The following PXN variants were observed in gnomAD, a reference collection of about 807,000 sequenced individuals.
PXN encodes testicular tissue protein Li 134.
PXN carries 61 observed loss-of-function variants against 103.6 expected under a neutral mutation model. The ratio of observed to expected loss-of-function variants is 0.59; its 90% CI spans 0.48 to 0.73. PXN has a LOEUF of 0.73. Among genes scored for constraint, PXN ranks in the 30% least tolerant of loss-of-function variants. The probability of loss-of-function intolerance (pLI) is 0.00; values close to 1 mark genes in which losing one functional copy is unlikely to be tolerated. For missense variants in PXN, 1,274 were observed against 1,460.3 expected, an observed-to-expected ratio of 0.87 and a Z score of 2.08; for synonymous variants, 562 against 607.8, an observed-to-expected ratio of 0.92 and a Z score of 1.11.
rs1463641854 is a variant in PXN, at chr12:120,216,707, C to G, written c.1993-126G>C. 1.9e-6 allele frequency: 3 copies of G among 1,594,066 alleles called. No homozygotes were observed. Among genetic ancestry groups the G allele is most frequent in the Non-Finnish European group, 2.5e-6 (3 of 1,178,360 alleles). On this transcript the variant is annotated intron_variant, in intron 8 of 14. Coordinates refer to ENST00000637617, the MANE Select transcript of PXN (RefSeq NM_001385981.1). The surrounding 1 kb of genome is among the most constrained non-coding windows in gnomAD (Gnocchi z 5.1). ...TGCACCAAGAGTGGGGCCAGTCTTC[C>G]AAAGTCACAGGAGGCAAGAAACCCC...
In PXN at chr12:120,211,843, T is replaced by C; in HGVS notation, c.*471A>G. On this transcript the variant is annotated 3_prime_UTR_variant, in exon 15 of 15. Coordinates refer to ENST00000637617, the MANE Select transcript of PXN (RefSeq NM_001385981.1). Reference sequence around the variant, plus strand: ...TTGGATGGATGGATTTATGCTGGCATTGTCTGGAGGGAGCCGGGTGTCCCC... The same window carrying C: ...TTGGATGGATGGATTTATGCTGGCACTGTCTGGAGGGAGCCGGGTGTCCCC... The C allele has an allele frequency of 2.1e-6, 1 of 478,824 alleles. No homozygotes were observed. Among genetic ancestry groups the C allele is most frequent in the South Asian group, 1.5e-5 (1 of 66,684 alleles). The allele number at this position is 478,824 out of a possible 1,614,324, so 29.7% of individuals were successfully genotyped here.
chr12:120,263,059 C>T (rs1894122519), intron 1 of PXN, among the ~76,000 whole-genome samples: 1 of 152,132 alleles, frequency 6.6e-6, no homozygotes, highest in Non-Finnish European at 1.5e-5. Context: ...CACCCTCTGG[C>T]CTTGCTACCG....
chr12:120,224,168 G>C lies in PXN; in HGVS notation c.223C>G (p.Arg75Gly). 1 of 1,588,708 alleles carries C rather than the reference G, an allele frequency of 6.3e-7. No homozygotes were observed. The highest frequency in any genetic ancestry group is 8.6e-7 in the Non-Finnish European group (1 of 1,167,360). Reference sequence around the variant, plus strand: ...CGCCTCACCTGCTGGTGGATGAATCGGGAGCTGCTGGGCTGCCACTGGTCT... The same window carrying C: ...CGCCTCACCTGCTGGTGGATGAATCCGGAGCTGCTGGGCTGCCACTGGTCT... Reference protein sequence around the residue: ...PLDQWQPSSSRFIHQQPQSSS... With the variant: ...PLDQWQPSSSGFIHQQPQSSS... Residue 75 changes from arginine (R) to glycine (G), a missense_variant, in exon 2 of 15, where the codon CGA becomes GGA. Transcript: ENST00000637617. This position sits in a 1 kb window ranked among gnomAD's most constrained non-coding sequence, Gnocchi z 5.0.
rs138564621 is a variant in PXN at position 120,259,196 on chromosome 12, A to T, written c.13+6421T>A. ...CACCTGAGGTCAGGAGTTGAAGACCAGCCTAAACAATATGGTGAAACCCCA... is the reference window on the plus strand; with the variant it reads ...CACCTGAGGTCAGGAGTTGAAGACCTGCCTAAACAATATGGTGAAACCCCA... On this transcript the variant is annotated intron_variant, in intron 1 of 14. Transcript: ENST00000637617. 3.1e-3 allele frequency among the ~76,000 whole-genome samples: 466 copies of T among 152,318 alleles called. 3 individuals are homozygous for T. Among genetic ancestry groups the T allele is most frequent in the African/African-American group, 0.011 (439 of 41,586 alleles).
In PXN at chr12:120,219,081, G is replaced by C; in HGVS notation, c.1716+126C>G. The C allele has an allele frequency of 9.3e-7, 1 of 1,075,504 alleles. No homozygotes were observed. Among genetic ancestry groups the C allele is most frequent in the East Asian group, 2.6e-5 (1 of 37,994 alleles). 66.6% of individuals were successfully genotyped at this position (1,075,504 alleles called of 1,614,324 possible). ...GTGCTGACTGTCAGGTCCGGCCACA[G>C]TGTCTCAGCATTTTCTGCCCAAGCA... On this transcript the variant is annotated intron_variant, in intron 7 of 14. Coordinates refer to ENST00000637617, the MANE Select transcript of PXN (RefSeq NM_001385981.1). This position sits in a 1 kb window ranked among gnomAD's most constrained non-coding sequence, Gnocchi z 6.5.
chr12:120,254,490 A>T (rs570750396), intron 1 of PXN, among the ~76,000 whole-genome samples: 1 of 152,320 alleles, frequency 6.6e-6, no homozygotes, highest in African/African-American at 2.4e-5. Flanking sequence ...ATCTGTACGT[A>T]TCCTATGACA....
rs766685763 is a variant in PXN at position 120,215,637 on chromosome 12, C to T, written c.2326G>A (p.Asp776Asn). The T allele has an allele frequency of 3.7e-6, 6 of 1,611,906 alleles. No individual in the cohort carries two copies. The highest frequency in any genetic ancestry group is 2.2e-5 in the East Asian group (1 of 44,838). ...MQIQGLEQRA[D>N]GERCWAAGWP... Reference sequence around the variant, plus strand: ...CCGGCCGCCCAGCACCGCTCCCCATCCGCTCTTTGCTCCAGGCCCTGGATC... The same window carrying T: ...CCGGCCGCCCAGCACCGCTCCCCATTCGCTCTTTGCTCCAGGCCCTGGATC... Residue 776 changes from aspartate to asparagine, a missense_variant, in exon 10 of 15, where the codon GAT becomes AAT. Asp to Asn is a conservative substitution (Grantham distance 23). Around this residue, in one of 2 missense-constraint regions of PXN, gnomAD observed 1,178 missense variants for 1,309.0 expected, o/e 0.90. Coordinates refer to ENST00000637617, the MANE Select transcript of PXN (RefSeq NM_001385981.1). This position sits in a 1 kb window ranked among gnomAD's most constrained non-coding sequence, Gnocchi z 4.9.
chr12:120,215,735 G>A lies in PXN; in HGVS notation c.2302-74C>T. On this transcript the variant is annotated intron_variant, in intron 9 of 14. Coordinates refer to ENST00000637617, the MANE Select transcript of PXN (RefSeq NM_001385981.1). This position sits in a 1 kb window ranked among gnomAD's most constrained non-coding sequence, Gnocchi z 4.9. ...GAAAGAATACAAGACCTTGTCACTG[G>A]ACTAAAAGGGAATCTAGGATGAGAT... The A allele has an allele frequency of 6.9e-7, 1 of 1,439,834 alleles. No individual in the cohort carries two copies. The highest frequency in any genetic ancestry group is 2.5e-5 in the East Asian group (1 of 40,488). 89.2% of individuals were successfully genotyped at this position (1,439,834 alleles called of 1,614,324 possible). A position where few individuals can be genotyped will look rare whatever the true frequency, so the allele number is the denominator to read the frequency against.
rs1883058707 is a variant in PXN, at chr12:120,216,496, C to T, written c.2078G>A (p.Arg693His). The T allele has an allele frequency of 4.3e-6, 6 of 1,392,908 alleles. No homozygotes were observed. The highest frequency in any genetic ancestry group is 1.6e-5 in the South Asian group (1 of 60,934). The allele number at this position is 1,392,908 out of a possible 1,614,324, so 86.3% of individuals were successfully genotyped here. The part of the protein sequence containing the change: ...ASPSVPLLQH[R>H]TDAAASSSSP... ...AGAGCTGCTGGCCGCGGCGTCTGTGCGATGCTGGAGCAAAGGGACAGAAGG... is the reference window on the plus strand; with the variant it reads ...AGAGCTGCTGGCCGCGGCGTCTGTGTGATGCTGGAGCAAAGGGACAGAAGG... Residue 693 changes from arginine to histidine, a missense_variant, in exon 9 of 15, where the codon CGC becomes CAC. Around this residue, in one of 2 missense-constraint regions of PXN, gnomAD observed 1,178 missense variants for 1,309.0 expected, o/e 0.90. Transcript: ENST00000637617. The surrounding 1 kb of genome is among the most constrained non-coding windows in gnomAD (Gnocchi z 5.1).
rs755244333 is a variant in PXN at position 120,215,639 on chromosome 12, G to A, written c.2324C>T (p.Ala775Val). The change falls in exon 10 of 15, where the codon GCG (alanine) becomes GTG (valine). Residue 775 changes from alanine to valine, a missense_variant. This residue lies in a region of PXN where 1,178 missense variants were observed against 1,309.0 expected (regional missense o/e 0.90). Coordinates refer to ENST00000637617, the MANE Select transcript of PXN (RefSeq NM_001385981.1). This position sits in a 1 kb window ranked among gnomAD's most constrained non-coding sequence, Gnocchi z 4.9. ...PMQIQGLEQR[A>V]DGERCWAAGW... is the part of the protein sequence containing the mutation. ...GGCCGCCCAGCACCGCTCCCCATCC[G>A]CTCTTTGCTCCAGGCCCTGGATCTT... 14 of 1,611,520 alleles carry A rather than the reference G, an allele frequency of 8.7e-6. No homozygotes were observed. Among genetic ancestry groups the A allele is most frequent in the Middle Eastern group, 1.6e-4 (1 of 6,074 alleles).
At chr12:120,253,514 T>C (rs1464201265) in intron 1 of PXN, among the ~76,000 whole-genome samples, 1 of 152,136 alleles carries the variant, frequency 6.6e-6, no homozygotes. Context: ...ACCGGGCTAG[T>C]TGTGGGAAGA....
intron 1 of PXN, among the ~76,000 whole-genome samples, chr12:120,250,619 T>C (rs1416007439): frequency 3.3e-5 from 5 of 152,074 alleles, no homozygotes; most frequent in African/African-American, 1.2e-4. Flanking sequence ...CCCCCACCAC[T>C]TCCTCATGAA....
rs1373008911 is a variant in PXN at position 120,224,055 on chromosome 12, A to C, written c.240+96T>G. The C allele has an allele frequency of 9.4e-7, 1 of 1,060,074 alleles. No individual in the cohort carries two copies. The highest frequency in any genetic ancestry group is 1.4e-6 in the Non-Finnish European group (1 of 739,142). 65.7% of individuals were successfully genotyped at this position (1,060,074 alleles called of 1,614,324 possible). On this transcript the variant is annotated intron_variant, in intron 2 of 14. Transcript: ENST00000637617. The surrounding 1 kb of genome is among the most constrained non-coding windows in gnomAD (Gnocchi z 5.0). ...TGGTTGGGAAGGGTCGACTGCCCCA[A>C]TTCCATTCCATCCCCTGGCTCCCTA...
intron 1 of PXN, among the ~76,000 whole-genome samples, chr12:120,232,595 A>C (rs1888266914): frequency 1.3e-5 from 2 of 152,142 alleles, no homozygotes; most frequent in South Asian, 4.1e-4. Flanking sequence ...AAAGGTTCTC[A>C]GCTGTTCCAA....
At chr12:120,223,026 G>A in intron 3 of PXN, 27 bp from the exon 4 acceptor site, 1 of 1,613,942 alleles carries the variant, frequency 6.2e-7, no homozygotes, top group South Asian at 1.1e-5. Context: ...AAAGAAGATA[G>A]TGAGAGATGC....
intron 1 of PXN, among the ~76,000 whole-genome samples, chr12:120,241,627 G>GA (rs1485984287): frequency 1.3e-5 from 2 of 152,372 alleles, no homozygotes; most frequent in East Asian, 3.9e-4. Context: ...AGAAGGCCCT[G>GA]AAAGCGGCAG....
rs553670461 is a variant in PXN, at chr12:120,254,906, C to T, written c.13+10711G>A. Among the ~76,000 whole-genome samples the T allele has an allele frequency of 7.2e-5, 11 of 152,204 alleles. No individual in the cohort carries two copies. The East Asian group carries it at 1.7e-3, about 24-fold the overall frequency. On this transcript the variant is annotated intron_variant, in intron 1 of 14. Coordinates refer to ENST00000637617, the MANE Select transcript of PXN (RefSeq NM_001385981.1). ...CATGAAAATATTTCCTCAAGCTTAACGTGCTACACAAATGCCCATTATCTA... is the reference window on the plus strand; with the variant it reads ...CATGAAAATATTTCCTCAAGCTTAATGTGCTACACAAATGCCCATTATCTA...
rs1881031025 is a variant in PXN at position 120,213,308 on chromosome 12, A to G, written c.2979+534T>C. Among the ~76,000 whole-genome samples, 1 of 152,258 alleles carries G rather than the reference A, an allele frequency of 6.6e-6. No homozygotes were observed. Among genetic ancestry groups the G allele is most frequent in the Non-Finnish European group, 1.5e-5 (1 of 68,044 alleles). On this transcript the variant is annotated intron_variant, in intron 14 of 14. Transcript: ENST00000637617. This position sits in a 1 kb window ranked among gnomAD's most constrained non-coding sequence, Gnocchi z 4.2. ...GGCGGGAGAATCACTGGAACTCAGCAGGCAGAGGTTGCAGTCAGCCAAGAT... is the reference window on the plus strand; with the variant it reads ...GGCGGGAGAATCACTGGAACTCAGCGGGCAGAGGTTGCAGTCAGCCAAGAT...
chr12:120,216,732 C>A lies in PXN; in HGVS notation c.1992+109G>T. Reference sequence around the variant, plus strand: ...CAAAGTCACAGGAGGCAAGAAACCCCCACCCTCTCCCCAGATCTCCCCTCC... The same window carrying A: ...CAAAGTCACAGGAGGCAAGAAACCCACACCCTCTCCCCAGATCTCCCCTCC... On this transcript the variant is annotated intron_variant, in intron 8 of 14. Transcript: ENST00000637617. The surrounding 1 kb of genome is among the most constrained non-coding windows in gnomAD (Gnocchi z 5.1). 1 of 1,594,834 alleles carries A rather than the reference C, an allele frequency of 6.3e-7. No homozygotes were observed. Among genetic ancestry groups the A allele is most frequent in the Non-Finnish European group, 8.5e-7 (1 of 1,178,626 alleles).
Sources: allele counts gnomAD v4.1 joint callset (sites outside exome capture counted in the v4.1 genomes callset), GRCh38; gene constraint gnomAD v4.1.1; regional missense constraint gnomAD v4.1.1; non-coding constraint Gnocchi (gnomAD v3.1); transcripts MANE v1.5; gene names NCBI Gene and HGNC (gene_info 2026-07-23, HGNC 2026-07-21).